The following DIP2C variants were observed in gnomAD, a reference collection of about 807,000 sequenced individuals.
DIP2C encodes disco-interacting protein 2 homolog C.
DIP2C carries 33 observed loss-of-function variants against 192.4 expected under a neutral mutation model. That is an observed-to-expected ratio of 0.17 (90% CI 0.13 to 0.23). The LOEUF is 0.23. Among genes scored for constraint, DIP2C ranks in the 10% least tolerant of loss-of-function variants. The pLI, the probability that DIP2C is intolerant of heterozygous loss-of-function variation, is 1.00. For missense variants in DIP2C, 1,537 were observed against 2,110.1 expected (o/e 0.73, Z 5.32); for synonymous variants, 979 against 864.1 (o/e 1.13, Z -2.33).
chr10:372,341 T>C (rs1284787585), intron 17 of DIP2C, among the ~76,000 whole-genome samples: 3 of 152,178 alleles, frequency 2.0e-5, no homozygotes, highest in African/African-American at 7.2e-5. Flanking sequence ...TCCCAAGGTG[T>C]TGGAATTACA....
At chr10:444,898 C>G (rs142895265) in intron 3 of DIP2C, among the ~76,000 whole-genome samples, 14 of 152,346 alleles carry the variant, frequency 9.2e-5, no homozygotes, top group African/African-American at 3.4e-4. Flanking sequence ...AATGTGCATT[C>G]TTTTACACGG....
At chr10:594,601 T>C (rs187933690) in intron 1 of DIP2C, among the ~76,000 whole-genome samples, 3 of 151,956 alleles carry the variant, frequency 2.0e-5, no homozygotes, top group Admixed American at 2.0e-4. Context: ...CGTGGCTGAG[T>C]ATAAACCATT....
At chr10:659,281 A>G (rs1488569015) in intron 1 of DIP2C, among the ~76,000 whole-genome samples, 1 of 152,250 alleles carries the variant, frequency 6.6e-6, no homozygotes, top group Non-Finnish European at 1.5e-5. Context: ...CAACACAAAT[A>G]CACATGCACA....
chr10:384,199 T>C, intron 15 of DIP2C, 53 bp from the exon 16 acceptor site: 1 of 1,556,582 alleles, frequency 6.4e-7, no homozygotes. Context: ...GATCGTCCCC[T>C]ATTGCAAAAG....
intron 9 of DIP2C, among the ~76,000 whole-genome samples, chr10:401,414 T>A (rs1964433842): frequency 6.6e-6 from 1 of 151,710 alleles, no homozygotes; most frequent in Non-Finnish European, 1.5e-5. Context: ...AGCACATGAA[T>A]CCTGTGATTT....
At chr10:567,856 C>A (rs1849542047) in intron 1 of DIP2C, among the ~76,000 whole-genome samples, 1 of 152,162 alleles carries the variant, frequency 6.6e-6, no homozygotes, top group Non-Finnish European at 1.5e-5. Context: ...TCTCGAACTC[C>A]TGACCTCCGG....
intron 3 of DIP2C, among the ~76,000 whole-genome samples, chr10:470,240 A>G (rs1748066335): frequency 6.6e-6 from 1 of 152,244 alleles, no homozygotes; most frequent in Non-Finnish European, 1.5e-5. Flanking sequence ...GACATGAGTC[A>G]GGATGGGGAA....
chr10:475,980 C>T (rs766842127), intron 2 of DIP2C, among the ~76,000 whole-genome samples: 8 of 152,224 alleles, frequency 5.3e-5, no homozygotes, highest in Non-Finnish European at 1.2e-4. Flanking sequence ...CTGCAGCATA[C>T]CGCTCTGCGC....
intron 7 of DIP2C, among the ~76,000 whole-genome samples, chr10:414,706 T>G (rs1965429163): frequency 1.1e-5 from 1 of 90,700 alleles, no homozygotes; most frequent in Non-Finnish European, 2.1e-5. Context: ...AGTGTGTATG[T>G]ATGTGTGTGT....
At chr10:478,678 C>T (rs1335614663) in intron 2 of DIP2C, among the ~76,000 whole-genome samples, 1 of 151,490 alleles carries the variant, frequency 6.6e-6, no homozygotes, top group East Asian at 2.0e-4. Context: ...GTAGACACAT[C>T]CAAGTTCCCG....
At chr10:473,653 AG>A (rs1353452672) in intron 2 of DIP2C, among the ~76,000 whole-genome samples, 1 of 152,228 alleles carries the variant, frequency 6.6e-6, no homozygotes, top group Non-Finnish European at 1.5e-5. Context: ...TACCACAGGA[AG>A]GACGTCATCC....
chr10:339,652 G>C (rs752516908), intron 29 of DIP2C, among the ~76,000 whole-genome samples: 1 of 152,130 alleles, frequency 6.6e-6, no homozygotes, highest in Non-Finnish European at 1.5e-5. Flanking sequence ...TCAGCTTGGC[G>C]CATATACCTG....
intron 1 of DIP2C, among the ~76,000 whole-genome samples, chr10:489,014 G>C (rs183439697): frequency 1.6e-4 from 25 of 152,224 alleles, no homozygotes; most frequent in African/African-American, 5.8e-4. Flanking sequence ...TCAGTTACTG[G>C]GGGGCGGGCA....
intron 1 of DIP2C, among the ~76,000 whole-genome samples, chr10:599,620 C>T (rs1174534306): frequency 6.6e-6 from 1 of 152,196 alleles, no homozygotes; most frequent in South Asian, 2.1e-4. Context: ...ATCGCAGAGG[C>T]TGGAGGGACC....
intron 31 of DIP2C, among the ~76,000 whole-genome samples, chr10:319,750 C>G (rs558831459): frequency 1.3e-5 from 2 of 152,146 alleles, no homozygotes; most frequent in African/African-American, 4.8e-5. Flanking sequence ...ATTTTTCCAG[C>G]TAAAGGTACT....
intron 1 of DIP2C, among the ~76,000 whole-genome samples, chr10:577,651 G>A (rs1564219094): frequency 6.6e-6 from 1 of 152,158 alleles, no homozygotes; most frequent in African/African-American, 2.4e-5. Context: ...ACAAAGCCCT[G>A]CCTTCAAGGT....
intron 31 of DIP2C, among the ~76,000 whole-genome samples, chr10:312,221 C>A (rs1312830205): frequency 6.6e-6 from 1 of 152,208 alleles, no homozygotes; most frequent in Admixed American, 6.5e-5. Flanking sequence ...TCTTCTCCTC[C>A]TCGTCATCCA....
chr10:534,036 T>C (rs888786401), intron 1 of DIP2C, among the ~76,000 whole-genome samples: 1 of 150,580 alleles, frequency 6.6e-6, no homozygotes, highest in Non-Finnish European at 1.5e-5. Flanking sequence ...TATTTATCAA[T>C]GGACCATGAA....
chr10:509,754 A>G (rs894215187), intron 1 of DIP2C, among the ~76,000 whole-genome samples: 2 of 152,142 alleles, frequency 1.3e-5, no homozygotes, highest in African/African-American at 4.8e-5. Context: ...CCCATCCTGG[A>G]GAGCAGCTTG....
Sources: gnomAD v4.1 joint callset for allele counts (sites outside exome capture counted in the v4.1 genomes callset) on GRCh38, gnomAD v4.1.1 for gene constraint, MANE v1.5 for transcripts, NCBI Gene and HGNC (gene_info 2026-07-23, HGNC 2026-07-21) for gene names.